Variants in LARGE1 observed in about 807,000 individuals in gnomAD.
LARGE1 encodes xylosyl- and glucuronyltransferase LARGE1.
Under a neutral mutation model 87.6 loss-of-function variants are expected in LARGE1, and 43 were observed. That is an observed-to-expected ratio of 0.49 (90% CI 0.38 to 0.63). The LOEUF (loss-of-function observed/expected upper bound fraction) is 0.63. Ranked by LOEUF, LARGE1 falls within the 30% of genes least tolerant of loss-of-function variation. LARGE1 has a pLI of 0.00. For missense variants in LARGE1, 802 were observed against 1,000.2 expected (o/e 0.80, Z 2.67); for synonymous variants, 434 against 394.6 (o/e 1.10, Z -1.18).
chr22:33,415,023 GT>G, intron 7 of LARGE1, among the ~76,000 whole-genome samples: 1 of 152,350 alleles, frequency 6.6e-6, no homozygotes, highest in East Asian at 1.9e-4. Context: ...GACTAAGACA[GT>G]GTTATTTTTT....
intron 11 of LARGE1, among the ~76,000 whole-genome samples, chr22:33,216,026 G>C (rs1312856338): frequency 6.6e-6 from 1 of 152,196 alleles, no homozygotes; most frequent in Non-Finnish European, 1.5e-5. Context: ...TATTTATTTA[G>C]TGGAAGGAAA....
At chr22:33,162,328 C>G (rs1569443585) in exon 12 of LARGE1, 1 of 152,212 alleles carries the variant, frequency 6.6e-6, no homozygotes, top group African/African-American at 2.4e-5. Context: ...CACAGGGCAG[C>G]AGGAGAGAAA....
At chr22:33,507,681 T>C (rs1195227400) in intron 6 of LARGE1, among the ~76,000 whole-genome samples, 1 of 152,238 alleles carries the variant, frequency 6.6e-6, no homozygotes, top group African/African-American at 2.4e-5. Flanking sequence ...CACTGAACTA[T>C]GTACTTTAAA....
intron 2 of LARGE1, among the ~76,000 whole-genome samples, chr22:33,675,923 C>T (rs1295172426): frequency 6.6e-6 from 1 of 150,548 alleles, no homozygotes; most frequent in Non-Finnish European, 1.5e-5. Flanking sequence ...AGTGAAAGGG[C>T]CTCAGGTGTG....
At chr22:33,219,236 G>T (rs1269437804) in intron 11 of LARGE1, among the ~76,000 whole-genome samples, 2 of 152,178 alleles carry the variant, frequency 1.3e-5, no homozygotes, top group African/African-American at 4.8e-5. Context: ...TTATTTTAGA[G>T]GCTGTGATTG....
rs56347007 is a variant in LARGE1, at chr22:33,181,827, C to CTTTTTTTTTTTTT, written c.1731-15008_1731-14996dup. ...ACAGGCGTGAGCCAGTATGCCTGGC[C>CTTTTTTTTTTTTT]TTTTTTTTTTTTTTTTTTTTTTACA... On this transcript the variant is annotated intron_variant, in intron 11 of 11. Coordinates refer to the LARGE1 transcript ENST00000608642. Among the ~76,000 whole-genome samples, 17 of 128,480 alleles carry CTTTTTTTTTTTTT rather than the reference C, an allele frequency of 1.3e-4. 1 individual carries two copies. Among genetic ancestry groups the CTTTTTTTTTTTTT allele is most frequent in the African/African-American group, 5.4e-4 (17 of 31,268 alleles). 84.3% of individuals were successfully genotyped at this position (128,480 alleles called of 152,430 possible). A position where few individuals can be genotyped will look rare whatever the true frequency, so the allele number is the denominator to read the frequency against.
At chr22:33,787,576 T>C (rs1035415652) in intron 1 of LARGE1, among the ~76,000 whole-genome samples, 2 of 152,230 alleles carry the variant, frequency 1.3e-5, no homozygotes, top group African/African-American at 4.8e-5. Flanking sequence ...CACCACAGGC[T>C]TTCTGCATGA....
chr22:33,829,818 C>G (rs778680568), intron 1 of LARGE1, among the ~76,000 whole-genome samples: 2 of 152,138 alleles, frequency 1.3e-5, no homozygotes, highest in Non-Finnish European at 2.9e-5. Flanking sequence ...AACAGTGATC[C>G]AGGGGGACAG....
At chr22:33,661,307 C>G (rs2081115973) in intron 2 of LARGE1, among the ~76,000 whole-genome samples, 2 of 151,724 alleles carry the variant, frequency 1.3e-5, no homozygotes, top group African/African-American at 4.9e-5. Context: ...CCTCCACCTC[C>G]CAGGTTCAAG....
chr22:33,740,770 C>T (rs1445526863), intron 2 of LARGE1, among the ~76,000 whole-genome samples: 3 of 152,210 alleles, frequency 2.0e-5, no homozygotes, highest in Non-Finnish European at 4.4e-5. Flanking sequence ...TCAAAAGCCA[C>T]AAGATCATTC....
chr22:33,422,579 C>T lies in LARGE1; in HGVS notation c.892+9582G>A, dbSNP rs140137441. Among the ~76,000 whole-genome samples, 29 of 151,554 alleles carry T rather than the reference C, an allele frequency of 1.9e-4. No homozygotes were observed. The East Asian group carries it at 4.7e-3, about 24-fold the overall frequency. ...GGCTGGAGTACAATGGCATGATCTC[C>T]GCTCACTGCAACCTCCAACTCCTTG... On this transcript the variant is annotated intron_variant, in intron 7 of 14. Coordinates refer to ENST00000397394, the MANE Select transcript of LARGE1 (RefSeq NM_133642.5).
Position 33,582,414 on chromosome 22 carries a change from A to AG in LARGE1, c.616-17396_616-17395insC, listed in dbSNP as rs772525998. Among the ~76,000 whole-genome samples the AG allele has an allele frequency of 2.6e-5, 4 of 152,226 alleles. No individual in the cohort carries two copies. In the East Asian group the frequency reaches 7.7e-4, roughly 29 times the overall value. On this transcript the variant is annotated intron_variant, in intron 5 of 14. Coordinates refer to ENST00000397394, the MANE Select transcript of LARGE1 (RefSeq NM_133642.5). ...AAGACCTTGAAAGAGGAAAAAAAAA[A>AG]AGATGAGTTTGAAGTCCTCAGAATC...
At chr22:33,451,318 C>G (rs530312904) in intron 6 of LARGE1, among the ~76,000 whole-genome samples, 77 of 152,004 alleles carry the variant, frequency 5.1e-4, no homozygotes, top group African/African-American at 1.8e-3. Flanking sequence ...TAGGTGACCA[C>G]CAAGAAAAGA....
rs773807283 is a variant in LARGE1, at chr22:33,331,987, G to T, written c.1287+5659C>A. On this transcript the variant is annotated intron_variant, in intron 10 of 14. Coordinates refer to ENST00000397394, the MANE Select transcript of LARGE1 (RefSeq NM_133642.5). ...CACTACCACTATTTTGGCACTAACC[G>T]CACTACTTAATAATCCTCTGCTTGT... 1.9e-4 allele frequency among the ~76,000 whole-genome samples: 29 copies of T among 151,962 alleles called. 1 individual carries two copies. The highest frequency in any genetic ancestry group is 1.5e-4 in the Non-Finnish European group (10 of 68,004).
intron 4 of LARGE1, among the ~76,000 whole-genome samples, chr22:33,610,481 G>A (rs1049542043): frequency 6.6e-6 from 1 of 152,172 alleles, no homozygotes; most frequent in Non-Finnish European, 1.5e-5. Flanking sequence ...ACAACCTAGG[G>A]TATCTGCCAG....
At chr22:33,811,455 TC>T (rs2086490670) in intron 1 of LARGE1, among the ~76,000 whole-genome samples, 1 of 152,184 alleles carries the variant, frequency 6.6e-6, no homozygotes, top group African/African-American at 2.4e-5. Context: ...TCTTAAGTGA[TC>T]ATTTGCATGA....
At chr22:33,897,899 T>C (rs986444229) in intron 1 of LARGE1, among the ~76,000 whole-genome samples, 7 of 152,180 alleles carry the variant, frequency 4.6e-5, no homozygotes, top group Non-Finnish European at 7.3e-5. Context: ...GCCTGCTGTT[T>C]CTCTGTAGTT....
At chr22:33,585,677 G>C (rs559441804) in intron 5 of LARGE1, among the ~76,000 whole-genome samples, 4 of 152,210 alleles carry the variant, frequency 2.6e-5, no homozygotes, top group African/African-American at 9.6e-5. Context: ...CTTGATATTT[G>C]ACACAAAATT....
At chr22:33,781,492 C>G (rs1307973113) in intron 1 of LARGE1, among the ~76,000 whole-genome samples, 1 of 152,148 alleles carries the variant, frequency 6.6e-6, no homozygotes, top group Non-Finnish European at 1.5e-5. Context: ...CAGAACGAGA[C>G]TCTGCCTTAA....
Sources: gnomAD v4.1 joint callset for allele counts (sites outside exome capture counted in the v4.1 genomes callset) on GRCh38, gnomAD v4.1.1 for gene constraint, MANE v1.5 for transcripts, NCBI Gene and HGNC (gene_info 2026-07-23, HGNC 2026-07-21) for gene names.